The following CDK6 variants were observed in gnomAD, a reference collection of about 807,000 sequenced individuals.
CDK6 encodes the protein cyclin-dependent kinase 6.
In CDK6, 6 loss-of-function variants were observed where a neutral mutation model predicts 37.1. The observed-to-expected ratio is 0.16, with a 90% confidence interval of 0.09 to 0.32. The LOEUF is 0.32. Ranked by LOEUF, CDK6 falls within the 10% of genes least tolerant of loss-of-function variation. The probability of loss-of-function intolerance (pLI) is 1.00; values close to 1 mark genes in which losing one functional copy is unlikely to be tolerated. For synonymous variants in CDK6, 160 were observed against 161.3 expected, an observed-to-expected ratio of 0.99 and a Z score of 0.06; for missense variants, 224 against 418.9, an observed-to-expected ratio of 0.53 and a Z score of 4.06.
intron 5 of CDK6, among the ~76,000 whole-genome samples, chr7:92,638,262 T>G (rs567525279): frequency 6.6e-6 from 1 of 152,344 alleles, no homozygotes; most frequent in Non-Finnish European, 1.5e-5. Context: ...ATGATGTATT[T>G]CAAAAGATGA....
At chr7:92,626,879 C>T (rs947866960) in intron 5 of CDK6, among the ~76,000 whole-genome samples, 28 of 151,972 alleles carry the variant, frequency 1.8e-4, no homozygotes, top group African/African-American at 5.1e-4. Context: ...TAAATATTTT[C>T]CTTGTATAAT....
chr7:92,811,519 T>C (rs1215325154), intron 2 of CDK6, among the ~76,000 whole-genome samples: 1 of 151,774 alleles, frequency 6.6e-6, no homozygotes, highest in Non-Finnish European at 1.5e-5. Flanking sequence ...GAAATAATTA[T>C]AGCACTTGAA....
chr7:92,712,183 A>C (rs1348484431), intron 4 of CDK6, among the ~76,000 whole-genome samples: 1 of 151,280 alleles, frequency 6.6e-6, no homozygotes, highest in Non-Finnish European at 1.5e-5. Flanking sequence ...GAACCATGAG[A>C]GTTTAAGGGA....
At chr7:92,650,388 C>A (rs1258235078) in intron 5 of CDK6, among the ~76,000 whole-genome samples, 1 of 152,088 alleles carries the variant, frequency 6.6e-6, no homozygotes, top group African/African-American at 2.4e-5. Flanking sequence ...GTGTTTTCTG[C>A]AATGTTTATT....
At chr7:92,764,512 A>C (rs932530735) in intron 3 of CDK6, among the ~76,000 whole-genome samples, 1 of 152,214 alleles carries the variant, frequency 6.6e-6, no homozygotes, top group Non-Finnish European at 1.5e-5. Flanking sequence ...CCAGATGCTA[A>C]GTCCTTAATT....
At chr7:92,816,630 C>A (rs546169416) in intron 2 of CDK6, among the ~76,000 whole-genome samples, 6 of 152,056 alleles carry the variant, frequency 3.9e-5, no homozygotes, top group Non-Finnish European at 8.8e-5. Context: ...TGGGAAGATG[C>A]ATATATTTGA....
intron 3 of CDK6, among the ~76,000 whole-genome samples, chr7:92,771,170 AG>A (rs1464302103): frequency 6.6e-6 from 1 of 151,132 alleles, no homozygotes; most frequent in African/African-American, 2.4e-5. Context: ...TGGGAGGTGG[AG>A]GTTGCAGTGA....
At chr7:92,727,603 T>C (rs1798542962) in intron 3 of CDK6, among the ~76,000 whole-genome samples, 1 of 152,132 alleles carries the variant, frequency 6.6e-6, no homozygotes, top group South Asian at 2.1e-4. Flanking sequence ...GGGAGACTGA[T>C]TCACAAACAA....
chr7:92,710,084 GTGTATCTCTAGAC>G (rs1220925697), intron 4 of CDK6, among the ~76,000 whole-genome samples: 1 of 152,208 alleles, frequency 6.6e-6, no homozygotes, highest in Non-Finnish European at 1.5e-5. Flanking sequence ...CTTGGTGGGG[GTGTATCTCTAGAC>G]TAATGAAGGG....
intron 4 of CDK6, chr7:92,701,737 T>G (rs928304291): frequency 2.6e-5 from 4 of 152,434 alleles, no homozygotes; most frequent in African/African-American, 9.6e-5. Context: ...CGAATTTGCG[T>G]GTCATCCTTG....
chr7:92,830,042 T>C (rs1801435119), intron 2 of CDK6, among the ~76,000 whole-genome samples: 1 of 152,226 alleles, frequency 6.6e-6, no homozygotes, highest in African/African-American at 2.4e-5. Context: ...ATCTCTATTG[T>C]TTTTAGTTCA....
At chr7:92,727,431 T>A (rs1294715298) in intron 3 of CDK6, among the ~76,000 whole-genome samples, 3 of 152,222 alleles carry the variant, frequency 2.0e-5, no homozygotes, top group Non-Finnish European at 4.4e-5. Flanking sequence ...TAGTTTTTCC[T>A]TTTATAAAGT....
At chr7:92,748,645 C>A (rs571639198) in intron 3 of CDK6, among the ~76,000 whole-genome samples, 188 of 152,262 alleles carry the variant, frequency 1.2e-3, no homozygotes, top group African/African-American at 4.4e-3. Context: ...GGCTAGTAAC[C>A]AGGTGTCTTG....
intron 3 of CDK6, among the ~76,000 whole-genome samples, chr7:92,761,029 T>C (rs931410840): frequency 3.9e-5 from 6 of 152,112 alleles, no homozygotes; most frequent in Non-Finnish European, 8.8e-5. Context: ...CTAAACTGGG[T>C]AATCTCCTTT....
At chr7:92,766,068 C>A (rs1433571406) in intron 3 of CDK6, among the ~76,000 whole-genome samples, 1 of 152,034 alleles carries the variant, frequency 6.6e-6, no homozygotes, top group Non-Finnish European at 1.5e-5. Flanking sequence ...GGGTGGGGAG[C>A]ACTAGATCAT....
chr7:92,719,105 C>T (rs1798304919), intron 4 of CDK6, among the ~76,000 whole-genome samples: 1 of 152,170 alleles, frequency 6.6e-6, no homozygotes, highest in Admixed American at 6.5e-5. Context: ...TCATCAGAGG[C>T]ACAGGAAGGG....
At chr7:92,689,312 C>T (rs907052148) in intron 4 of CDK6, among the ~76,000 whole-genome samples, 22 of 152,128 alleles carry the variant, frequency 1.4e-4, no homozygotes, top group South Asian at 2.1e-4. Flanking sequence ...ATGTTCTCAT[C>T]GTTTAGCTAC....
chr7:92,791,280 T>C (rs1800276385), intron 2 of CDK6, among the ~76,000 whole-genome samples: 1 of 152,196 alleles, frequency 6.6e-6, no homozygotes, highest in Non-Finnish European at 1.5e-5. Flanking sequence ...CCCAGATCTT[T>C]GGTTTTCAGA....
rs1378093541 is a variant in CDK6, at chr7:92,671,492, G to C, written c.581C>G (p.Ser194Cys). ...WYRAPEVLLQ[S>C]SYATPVDLWS... is the part of the protein sequence containing the mutation. ...GAGATCCACGGGGGTGGCGTAGCTG[G>C]ACTGGAGCAAGACTTCGGGTGCTCT... The change falls in exon 5 of 8, where the codon TCC becomes TGC. Residue 194 changes from serine (S) to cysteine (C), a missense_variant. Coordinates refer to ENST00000424848, the MANE Select transcript of CDK6 (RefSeq NM_001145306.2). 1.3e-6 allele frequency: 2 copies of C among 1,583,430 alleles called. No individual in the cohort carries two copies. Among genetic ancestry groups the C allele is most frequent in the Middle Eastern group, 1.7e-4 (1 of 5,942 alleles).
Sources: gnomAD v4.1 joint callset for allele counts (sites outside exome capture counted in the v4.1 genomes callset) on GRCh38, gnomAD v4.1.1 for gene constraint, MANE v1.5 for transcripts, NCBI Gene and HGNC (gene_info 2026-07-23, HGNC 2026-07-21) for gene names.